Variants in CNTN5 observed in about 807,000 individuals in gnomAD.
CNTN5 encodes the protein contactin-5.
Under a neutral mutation model 129.1 loss-of-function variants are expected in CNTN5, and 77 were observed. That is an observed-to-expected ratio of 0.60 (90% CI 0.50 to 0.72). CNTN5 has a LOEUF of 0.72. Among genes scored for constraint, CNTN5 ranks in the 30% least tolerant of loss-of-function variants. The pLI is 0.00. For missense variants in CNTN5, 1,478 were observed against 1,328.8 expected, an observed-to-expected ratio of 1.11 and a Z score of -1.75; for synonymous variants, 509 against 465.6, an observed-to-expected ratio of 1.09 and a Z score of -1.20.
intron 13 of CNTN5, among the ~76,000 whole-genome samples, chr11:100,167,257 T>C (rs1268496388): frequency 6.6e-6 from 1 of 151,182 alleles, no homozygotes; most frequent in Non-Finnish European, 1.5e-5. Context: ...TTAAGACATA[T>C]ACTGTGTGTA....
Position 100,255,774 on chromosome 11 carries a change from C to A in CNTN5, c.2020C>A (p.Pro674Thr), listed in dbSNP as rs1248802172. ...TTGACCTATAGGACCCCCAGGCCCACCTGGGATAGTAATTGTTGAGGAAAT... is the reference window on the plus strand; with the variant it reads ...TTGACCTATAGGACCCCCAGGCCCAACTGGGATAGTAATTGTTGAGGAAAT... ...ELLVRGPPGP[P>T]GIVIVEEITE... Residue 674 changes from proline to threonine, a missense_variant, in exon 17 of 25, where the codon CCT (proline) becomes ACT (threonine). Physicochemically the swap from Pro to Thr is conservative, Grantham distance 38. Transcript: ENST00000524871. 1 of 1,613,772 alleles carries A rather than the reference C, an allele frequency of 6.2e-7. No individual in the cohort carries two copies. The highest frequency in any genetic ancestry group is 8.5e-7 in the Non-Finnish European group (1 of 1,179,774).
intron 21 of CNTN5, among the ~76,000 whole-genome samples, chr11:100,313,457 A>T (rs1280206535): frequency 6.6e-6 from 1 of 152,034 alleles, no homozygotes; most frequent in Non-Finnish European, 1.5e-5. Context: ...ACAAAAAAAA[A>T]AAAAAATGAA....
intron 2 of CNTN5, among the ~76,000 whole-genome samples, chr11:99,383,794 T>C (rs907546627): frequency 2.0e-5 from 3 of 152,160 alleles, no homozygotes; most frequent in African/African-American, 7.2e-5. Flanking sequence ...TGGAGGATTA[T>C]CTGATGATAA....
rs1363384953 is a variant in CNTN5, at chr11:99,408,502, G to GAAAGAAAGAAAGAAAGAA, written c.-71+83022_-71+83023insAAAGAAAGAAAGAAAAAG. ...AGAAAGAAAGAAAGAAAGAAAGAAA[G>GAAAGAAAGAAAGAAAGAA]AAAGTTAGTTCATAGAAATTGGAGT... is the stretch of plus-strand genomic sequence containing the variant. On this transcript the variant is annotated intron_variant, in intron 2 of 24. Coordinates refer to ENST00000524871, the MANE Select transcript of CNTN5 (RefSeq NM_014361.4). 2.0e-5 allele frequency among the ~76,000 whole-genome samples: 3 copies of GAAAGAAAGAAAGAAAGAA among 146,584 alleles called. No homozygotes were observed. The East Asian group carries it at 6.4e-4, about 31-fold the overall frequency.
intron 1 of CNTN5, among the ~76,000 whole-genome samples, chr11:99,262,869 C>T (rs1266375092): frequency 1.3e-5 from 2 of 151,996 alleles, no homozygotes; most frequent in African/African-American, 2.4e-5. Context: ...CAACACCTAG[C>T]ACAGAGCTAC....
intron 2 of CNTN5, among the ~76,000 whole-genome samples, chr11:99,529,368 T>C (rs1372096590): frequency 6.6e-6 from 1 of 152,228 alleles, no homozygotes; most frequent in Non-Finnish European, 1.5e-5. Flanking sequence ...CCTTGTCAAC[T>C]TGGCACCTGT....
rs1409076964 is a variant in CNTN5, at chr11:99,097,814, A to G, written c.-210+76544A>G. ...GGTAAAACAATTTATACTTTAAGTT[A>G]GGTGATGTCTTTCTCTTAGGATTGA... On this transcript the variant is annotated intron_variant, in intron 1 of 24. Coordinates refer to ENST00000524871, the MANE Select transcript of CNTN5 (RefSeq NM_014361.4). Among the ~76,000 whole-genome samples, 5 of 152,130 alleles carry G rather than the reference A, an allele frequency of 3.3e-5. No individual in the cohort carries two copies. In the East Asian group the frequency reaches 7.7e-4, roughly 23 times the overall value.
At chr11:99,496,830 C>T (rs17133637) in intron 2 of CNTN5, among the ~76,000 whole-genome samples, 32,344 of 152,056 alleles carry the variant, frequency 0.21, 3,682 homozygotes, top group Non-Finnish European at 0.25. Context: ...GATTTTCATA[C>T]GTTTTCAGCC....
intron 2 of CNTN5, among the ~76,000 whole-genome samples, chr11:99,551,603 G>A (rs1192355578): frequency 6.6e-6 from 1 of 152,066 alleles, no homozygotes; most frequent in Non-Finnish European, 1.5e-5. Flanking sequence ...ATCTTCTTAG[G>A]TGATATAATC....
chr11:99,289,298 C>T (rs993116845), intron 1 of CNTN5, among the ~76,000 whole-genome samples: 5 of 151,630 alleles, frequency 3.3e-5, no homozygotes, highest in African/African-American at 4.8e-5. Flanking sequence ...TTTAAATAGT[C>T]ACAAAACATA....
At chr11:99,998,931 G>C (rs1374610733) in intron 8 of CNTN5, among the ~76,000 whole-genome samples, 1 of 151,208 alleles carries the variant, frequency 6.6e-6, no homozygotes, top group Non-Finnish European at 1.5e-5. Context: ...AATAAATGGT[G>C]CTGGGAAAAC....
chr11:99,131,994 A>G (rs934832770), intron 1 of CNTN5, among the ~76,000 whole-genome samples: 2 of 152,190 alleles, frequency 1.3e-5, no homozygotes, highest in African/African-American at 2.4e-5. Flanking sequence ...TTATGCAAAA[A>G]TCCTCAATAA....
At chr11:99,258,845 A>T (rs1040696279) in intron 1 of CNTN5, among the ~76,000 whole-genome samples, 13 of 151,950 alleles carry the variant, frequency 8.6e-5, no homozygotes, top group African/African-American at 2.4e-4. Flanking sequence ...AGACACTAAG[A>T]TATAAAATTA....
At chr11:99,116,168 A>G (rs185399117) in intron 1 of CNTN5, among the ~76,000 whole-genome samples, 17 of 152,250 alleles carry the variant, frequency 1.1e-4, no homozygotes, top group Admixed American at 1.1e-3. Flanking sequence ...ATTTCTATTT[A>G]CCTTTCTTAT....
intron 21 of CNTN5, among the ~76,000 whole-genome samples, chr11:100,324,433 G>C (rs1951751723): frequency 6.6e-6 from 1 of 152,146 alleles, no homozygotes. Flanking sequence ...CATGGTTGCA[G>C]TCTCATTTTA....
chr11:99,207,982 A>T (rs918925224), intron 1 of CNTN5, among the ~76,000 whole-genome samples: 1 of 152,210 alleles, frequency 6.6e-6, no homozygotes, highest in Non-Finnish European at 1.5e-5. Flanking sequence ...AATGTTAATT[A>T]AATCTCGGCT....
chr11:99,679,197 A>AATAT (rs34768290), intron 3 of CNTN5, among the ~76,000 whole-genome samples: 64 of 146,082 alleles, frequency 4.4e-4, no homozygotes, highest in South Asian at 1.1e-3. Context: ...ATATATAGGG[A>AATAT]ATATATATAT....
chr11:99,597,301 C>T (rs1950156250), intron 3 of CNTN5, among the ~76,000 whole-genome samples: 1 of 152,128 alleles, frequency 6.6e-6, no homozygotes, highest in Non-Finnish European at 1.5e-5. Flanking sequence ...ACAAGTGATT[C>T]TATCCCAATT....
intron 1 of CNTN5, among the ~76,000 whole-genome samples, chr11:99,142,104 G>A (rs1441055391): frequency 6.6e-6 from 1 of 152,140 alleles, no homozygotes; most frequent in Admixed American, 6.5e-5. Context: ...GCACTCCTGG[G>A]CAGCACATGC....
Sources: allele counts gnomAD v4.1 joint callset (sites outside exome capture counted in the v4.1 genomes callset), GRCh38; gene constraint gnomAD v4.1.1; transcripts MANE v1.5; gene names NCBI Gene and HGNC (gene_info 2026-07-23, HGNC 2026-07-21).